The following CLUH variants were observed in gnomAD, a reference collection of about 807,000 sequenced individuals.
CLUH encodes the protein clustered mitochondria protein homolog.
CLUH carries 77 observed loss-of-function variants against 139.3 expected under a neutral mutation model. The observed-to-expected ratio is 0.55, with a 90% CI of 0.46 to 0.67. The LOEUF (loss-of-function observed/expected upper bound fraction) is 0.67. Ranked by LOEUF, CLUH falls within the 30% of genes least tolerant of loss-of-function variation. The pLI is 0.00. For missense variants in CLUH, 1,876 were observed against 1,875.8 expected (o/e 1.00, Z 0.00); for synonymous variants, 999 against 801.6 (o/e 1.25, Z -4.16).
rs1475099162 is a variant in CLUH at position 2,703,860 on chromosome 17, T to C, written c.304-371A>G. Among the ~76,000 whole-genome samples, 5 of 152,032 alleles carry C rather than the reference T, an allele frequency of 3.3e-5. No individual in the cohort carries two copies. The highest frequency in any genetic ancestry group is 3.3e-4 in the Admixed American group (5 of 15,272). ...CCAGTGCTAAGGTGCCTGGGGCAAA[T>C]GGCTTTCCCCTTCCAGAAGGGGTGC... On this transcript the variant is annotated intron_variant, in intron 2 of 25. Transcript: ENST00000651024. This position sits in a 1 kb window ranked among gnomAD's most constrained non-coding sequence, Gnocchi z 4.2.
intron 19 of CLUH, among the ~76,000 whole-genome samples, chr17:2,693,667 T>TG (rs765236720): frequency 2.7e-4 from 41 of 152,040 alleles, no homozygotes; most frequent in East Asian, 3.9e-4. Context: ...TGACGCCCTG[T>TG]GGGGGGGTCC....
At chr17:2,693,110 A>G (rs1424703900) in intron 19 of CLUH, among the ~76,000 whole-genome samples, 1 of 144,454 alleles carries the variant, frequency 6.9e-6, no homozygotes, top group Admixed American at 7.3e-5. Flanking sequence ...ACAAACACCC[A>G]AATACAAACC....
chr17:2,701,186 T>A lies in CLUH; in HGVS notation c.979A>T (p.Ile327Phe), dbSNP rs750186200. ...SHSLVELLNQISPTFKKNFAV... is the reference protein window; with the variant it reads ...SHSLVELLNQFSPTFKKNFAV... ...AAGTTCTTCTTGAAGGTCGGGCTGA[T>A]CTGGTTGAGCAGCTCCACTAGGGAA... The change falls in exon 7 of 26, where the codon ATC becomes TTC. Residue 327 changes from isoleucine to phenylalanine, a missense_variant. By Grantham distance (21) the Ile-to-Phe change is conservative (BLOSUM62 0). Around this residue, in one of 3 missense-constraint regions of CLUH, gnomAD observed 270 missense variants for 354.7 expected, o/e 0.76. Transcript: ENST00000651024. 1.1e-5 allele frequency: 17 copies of A among 1,613,848 alleles called. No homozygotes were observed. The highest frequency in any genetic ancestry group is 1.4e-5 in the Non-Finnish European group (16 of 1,179,902).
rs1467324490 is a variant in CLUH, at chr17:2,689,959, C to T, written c.*635G>A. On this transcript the variant is annotated 3_prime_UTR_variant, in exon 26 of 26. Transcript: ENST00000651024. ...AGGGCCCAGCAAGCCAACCCCGACCCCTCCGTTCGGGAGCAGCAGCCAGAC... is the reference window on the plus strand; with the variant it reads ...AGGGCCCAGCAAGCCAACCCCGACCTCTCCGTTCGGGAGCAGCAGCCAGAC... The T allele has an allele frequency of 1.3e-5, 2 of 152,644 alleles. No homozygotes were observed. The highest frequency in any genetic ancestry group is 4.8e-5 in the African/African-American group (2 of 41,404). The allele number at this position is 152,644 out of a possible 1,614,324, so 9.5% of individuals were successfully genotyped here.
intron 13 of CLUH, 28 bp from the exon 14 acceptor site, chr17:2,695,554 A>T: frequency 6.4e-7 from 1 of 1,560,370 alleles, no homozygotes; most frequent in Non-Finnish European, 8.6e-7. Context: ...TCAGGCCCCC[A>T]CCCAGCTCCT....
intron 18 of CLUH, 21 bp downstream of exon 18, chr17:2,694,102 C>G: frequency 1.2e-6 from 2 of 1,613,922 alleles, no homozygotes; most frequent in Non-Finnish European, 1.7e-6. Context: ...CACCTCCACC[C>G]AGCCCCACCT....
chr17:2,698,672 C>T (rs1162214769), intron 9 of CLUH, 82 bp from the exon 10 acceptor site: 3 of 1,302,304 alleles, frequency 2.3e-6, no homozygotes, highest in African/African-American at 1.5e-5. Context: ...CGCACCTAGA[C>T]CGCGGAGGCA....
chr17:2,695,450 A>G lies in CLUH; in HGVS notation c.2468T>C (p.Ile823Thr). ...TLAEVMRQRG[I>T]NMRYLGKVLE... ...CACCTTGCCCAGGTAGCGCATGTTG[A>G]TGCCCCGCTGGCGCATCACCTCTGC... is the stretch of plus-strand genomic sequence containing the variant. Residue 823 changes from isoleucine (I) to threonine (T), a missense_variant, in exon 14 of 26, where the codon ATC (isoleucine) becomes ACC (threonine). This residue lies in a region of CLUH where 1,454 missense variants were observed against 1,384.4 expected (regional missense o/e 1.05). Transcript: ENST00000651024. 6.2e-7 allele frequency: 1 copy of G among 1,612,030 alleles called. No homozygotes were observed. Among genetic ancestry groups the G allele is most frequent in the Non-Finnish European group, 8.5e-7 (1 of 1,179,752 alleles).
chr17:2,701,894 G>T lies in CLUH; in HGVS notation c.619+20C>A. ...CTCCCCGCCCTTTGGCCCAATCCCC[G>T]GCCCCAGTGCCTCCCGCACCTCCCA... is the stretch of plus-strand genomic sequence containing the variant. On this transcript the variant is annotated intron_variant, in intron 4 of 25. Coordinates refer to ENST00000651024, the MANE Select transcript of CLUH (RefSeq NM_001366661.1). 1.9e-6 allele frequency: 3 copies of T among 1,612,834 alleles called. No individual in the cohort carries two copies. Among genetic ancestry groups the T allele is most frequent in the Non-Finnish European group, 1.7e-6 (2 of 1,179,830 alleles).
chr17:2,694,819 C>CAAA, intron 16 of CLUH, 38 bp downstream of exon 16: 1 of 1,460,678 alleles, frequency 6.8e-7, no homozygotes, highest in Non-Finnish European at 9.1e-7. Context: ...CTCATCTGCC[C>CAAA]AATCCCACCC....
Position 2,707,076 on chromosome 17 carries a change from T to C in CLUH, c.101-2512A>G. 1.5e-6 allele frequency: 1 copy of C among 678,444 alleles called. No homozygotes were observed. The highest frequency in any genetic ancestry group is 1.8e-6 in the Non-Finnish European group (1 of 549,578). The allele number at this position is 678,444 out of a possible 1,614,324, so 42.0% of individuals were successfully genotyped here. On this transcript the variant is annotated intron_variant, in intron 1 of 25. Coordinates refer to ENST00000651024, the MANE Select transcript of CLUH (RefSeq NM_001366661.1). This position sits in a 1 kb window ranked among gnomAD's most constrained non-coding sequence, Gnocchi z 7.4. ...GGACAGCATGTTTTACCCTAATCCT[T>C]CCTCCTAGGAACCCCGAAGGTCTCC... is the stretch of plus-strand genomic sequence containing the variant.
intron 1 of CLUH, among the ~76,000 whole-genome samples, chr17:2,708,646 G>T (rs1373812757): frequency 1.3e-5 from 2 of 152,018 alleles, no homozygotes; most frequent in Non-Finnish European, 2.9e-5. Context: ...AAACAGGAGT[G>T]TCAGACGCCC....
rs748010980 is a variant in CLUH, at chr17:2,691,945, GC to G, written c.3655-51del. ...GGCCCCCCCGTGCCCCCGCGGCCCC[GC>G]CCCCGCCCCGCCACGCCCCCGCCCC... On this transcript the variant is annotated intron_variant, in intron 23 of 25. Transcript: ENST00000651024. 1.5e-3 allele frequency: 1,711 copies of G among 1,172,242 alleles called. 109 individuals carry two copies. The highest frequency in any genetic ancestry group is 6.9e-3 in the South Asian group (399 of 57,748). The allele number at this position is 1,172,242 out of a possible 1,614,324, so 72.6% of individuals were successfully genotyped here.
chr17:2,692,263 G>C, intron 22 of CLUH, 98 bp downstream of exon 22: 5 of 1,455,306 alleles, frequency 3.4e-6, no homozygotes, highest in South Asian at 2.7e-5. Flanking sequence ...AAATTTTCTC[G>C]GGTGGAGGAA....
At position 2,703,523 on chromosome 17, in the gene CLUH, A is replaced by C; in HGVS notation, c.304-34T>G. ...AGAAGGCCCCGCCCACCCCGGTGAG[A>C]GAGCACGTAGCGGGGAGAGAAGGCC... On this transcript the variant is annotated intron_variant, in intron 2 of 25. Transcript: ENST00000651024. The surrounding 1 kb of genome is among the most constrained non-coding windows in gnomAD (Gnocchi z 4.2). The C allele has an allele frequency of 6.2e-7, 1 of 1,602,254 alleles. No individual in the cohort carries two copies. The highest frequency in any genetic ancestry group is 8.5e-7 in the Non-Finnish European group (1 of 1,172,936).
At chr17:2,708,463 G>C (rs1027963543) in intron 1 of CLUH, among the ~76,000 whole-genome samples, 1 of 151,950 alleles carries the variant, frequency 6.6e-6, no homozygotes, top group Non-Finnish European at 1.5e-5. Context: ...CCCAGCCCAC[G>C]GCAGCTCCCT....
Position 2,701,990 on chromosome 17 carries a change from G to A in CLUH, c.543C>T (p.Asp181=), listed in dbSNP as rs2070201120. The A allele has an allele frequency of 1.9e-6, 3 of 1,613,880 alleles. No individual in the cohort carries two copies. The highest frequency in any genetic ancestry group is 1.7e-5 in the Admixed American group (1 of 60,006). The change falls in exon 4 of 26, where the codon GAC becomes GAT. Residue 181 remains aspartate (D), a synonymous_variant. Coordinates refer to ENST00000651024, the MANE Select transcript of CLUH (RefSeq NM_001366661.1). ...CAACCCCGTTGAAGGCATCGGATGG[G>A]TCCAGGCTCTTGAGCAGGTCTCGGA... ...RHVRDLLKSL[D]PSDAFNGVDC...
chr17:2,694,823 C>T, intron 16 of CLUH, 34 bp downstream of exon 16: 418 of 847,538 alleles, frequency 4.9e-4, no homozygotes, highest in Non-Finnish European at 6.6e-4. Flanking sequence ...TCTGCCCAAT[C>T]CCACCCACCC....
At chr17:2,692,207 G>A in intron 22 of CLUH, 110 bp from the exon 23 acceptor site, 2 of 1,444,988 alleles carry the variant, frequency 1.4e-6, no homozygotes, top group South Asian at 1.3e-5. Flanking sequence ...AAGCCACCGA[G>A]GGGAACAGCA....
Sources: gnomAD v4.1 joint callset for allele counts (sites outside exome capture counted in the v4.1 genomes callset) on GRCh38, gnomAD v4.1.1 for gene constraint, gnomAD v4.1.1 regional missense constraint, Gnocchi (gnomAD v3.1) non-coding constraint, MANE v1.5 for transcripts, NCBI Gene and HGNC (gene_info 2026-07-23, HGNC 2026-07-21) for gene names.